The following NKAIN2 variants were observed in gnomAD, a reference collection of about 807,000 sequenced individuals.
NKAIN2 encodes the protein sodium/potassium transporting ATPase interacting 2.
NKAIN2 carries 14 observed loss-of-function variants against 32.6 expected under a neutral mutation model. The ratio of observed to expected loss-of-function variants is 0.43; its 90% CI spans 0.28 to 0.67. The LOEUF (loss-of-function observed/expected upper bound fraction) is 0.67. Among genes scored for constraint, NKAIN2 ranks in the 30% least tolerant of loss-of-function variants. The pLI is 0.17. For missense variants in NKAIN2, 198 were observed against 258.3 expected, an observed-to-expected ratio of 0.77 and a Z score of 1.60; for synonymous variants, 80 against 87.2, an observed-to-expected ratio of 0.92 and a Z score of 0.46.
intron 3 of NKAIN2, among the ~76,000 whole-genome samples, chr6:124,442,753 T>C (rs184827717): frequency 6.6e-6 from 1 of 152,132 alleles, no homozygotes; most frequent in African/African-American, 2.4e-5. Flanking sequence ...AGAAGCTCTA[T>C]GTTGGCATGG....
chr6:124,131,449 C>T (rs188151597), intron 1 of NKAIN2, among the ~76,000 whole-genome samples: 4 of 152,200 alleles, frequency 2.6e-5, no homozygotes, highest in East Asian at 3.9e-4. Flanking sequence ...AACTTTGTTC[C>T]GAGAACCACC....
chr6:124,511,390 T>C (rs1477790310), intron 3 of NKAIN2, among the ~76,000 whole-genome samples: 5 of 152,146 alleles, frequency 3.3e-5, no homozygotes, highest in African/African-American at 9.6e-5. Flanking sequence ...TTTCTTCAAA[T>C]AGGAGAAGAA....
intron 2 of NKAIN2, among the ~76,000 whole-genome samples, chr6:124,330,710 A>G (rs1797615065): frequency 6.6e-6 from 1 of 152,164 alleles, no homozygotes. Context: ...AGAGGTCCCC[A>G]ACCCCGGGGC....
chr6:124,422,086 A>T (rs1774780342), intron 3 of NKAIN2, among the ~76,000 whole-genome samples: 1 of 152,074 alleles, frequency 6.6e-6, no homozygotes, highest in Non-Finnish European at 1.5e-5. Flanking sequence ...CAGAAAAAAT[A>T]AAAGTATAAT....
chr6:124,667,204 T>C (rs1351982721), intron 4 of NKAIN2, among the ~76,000 whole-genome samples: 1 of 152,096 alleles, frequency 6.6e-6, no homozygotes. Flanking sequence ...TATCACATTC[T>C]AAGGAAATGT....
intron 1 of NKAIN2, among the ~76,000 whole-genome samples, chr6:124,261,371 C>T (rs1436436846): frequency 6.6e-6 from 1 of 152,152 alleles, no homozygotes; most frequent in Non-Finnish European, 1.5e-5. Context: ...CAGATGACTA[C>T]CTAGTTTCCA....
intron 1 of NKAIN2, among the ~76,000 whole-genome samples, chr6:124,262,942 A>C (rs948255902): frequency 6.6e-6 from 1 of 152,162 alleles, no homozygotes; most frequent in Non-Finnish European, 1.5e-5. Context: ...TCTCATCTGC[A>C]TAAGGAGAAT....
intron 1 of NKAIN2, among the ~76,000 whole-genome samples, chr6:124,203,897 C>G (rs925855760): frequency 7.9e-5 from 12 of 151,598 alleles, no homozygotes; most frequent in African/African-American, 2.7e-4. Context: ...GTAATAAGAT[C>G]ATTTAATACA....
At chr6:124,601,922 A>G (rs895521374) in intron 3 of NKAIN2, among the ~76,000 whole-genome samples, 3 of 151,974 alleles carry the variant, frequency 2.0e-5, no homozygotes, top group African/African-American at 2.4e-5. Context: ...AGGTCCAACC[A>G]TTTATTTCCA....
In NKAIN2 at chr6:124,635,173, TCAGAGAA is replaced by T. The variant is rs370868922; in HGVS notation, c.274-23012_274-23006del. Reference sequence around the variant, plus strand: ...TCAGAATTGAAGGTTAAAGTTTTACTCAGAGAAGCAAAAACTGAATAATTCATTACCA... The same window carrying T: ...TCAGAATTGAAGGTTAAAGTTTTACTGCAAAAACTGAATAATTCATTACCA... On this transcript the variant is annotated intron_variant, in intron 3 of 6. Coordinates refer to ENST00000368417, the MANE Select transcript of NKAIN2 (RefSeq NM_001040214.3). 6.7e-3 allele frequency among the ~76,000 whole-genome samples: 1,013 copies of T among 152,122 alleles called. 15 individuals carry two copies. The highest frequency in any genetic ancestry group is 0.023 in the African/African-American group (971 of 41,546).
In NKAIN2 at chr6:124,272,179, A is replaced by G. The variant is rs188450493; in HGVS notation, c.55-10826A>G. On this transcript the variant is annotated intron_variant, in intron 1 of 6. Transcript: ENST00000368417. The stretch of plus-strand genomic sequence containing the variant: ...GAGCCAAGTGTTAATCGCTAAGACA[A>G]TGGGGAAAATGTCTCCAGGCCATGT... Among the ~76,000 whole-genome samples, 622 of 152,316 alleles carry G rather than the reference A, an allele frequency of 4.1e-3. 4 individuals carry two copies. Among genetic ancestry groups the G allele is most frequent in the African/African-American group, 0.012 (512 of 41,576 alleles).
chr6:124,595,555 G>T (rs540883712), intron 3 of NKAIN2, among the ~76,000 whole-genome samples: 12 of 152,244 alleles, frequency 7.9e-5, no homozygotes, highest in Admixed American at 5.2e-4. Context: ...AACCTGATTT[G>T]GTGGAAGCCC....
chr6:124,490,365 G>T, intron 3 of NKAIN2: 1 of 439,552 alleles, frequency 2.3e-6, no homozygotes, highest in South Asian at 1.6e-5. Context: ...GTGGCAAAGG[G>T]TTGTGGAATT....
At chr6:124,330,000 ATGTAATCATC>A (rs1260349895) in intron 2 of NKAIN2, among the ~76,000 whole-genome samples, 2 of 152,222 alleles carry the variant, frequency 1.3e-5, no homozygotes, top group Non-Finnish European at 2.9e-5. Flanking sequence ...AAGGGATCCA[ATGTAATCATC>A]TGTTACTGAC....
chr6:124,389,715 TTGTGTGTGTG>T (rs3052704), intron 3 of NKAIN2, among the ~76,000 whole-genome samples: 3,677 of 141,988 alleles, frequency 0.026, 95 homozygotes, highest in Non-Finnish European at 0.035. Context: ...CTGTGTACAT[TTGTGTGTGTG>T]TGTGTGTGTG....
intron 3 of NKAIN2, among the ~76,000 whole-genome samples, chr6:124,475,352 C>G (rs1476853358): frequency 1.3e-5 from 2 of 152,080 alleles, no homozygotes; most frequent in African/African-American, 4.8e-5. Context: ...ACTTATGCTA[C>G]AGCATATTAT....
chr6:124,092,588 C>T (rs1784480736), intron 1 of NKAIN2, among the ~76,000 whole-genome samples: 1 of 151,988 alleles, frequency 6.6e-6, no homozygotes, highest in African/African-American at 2.4e-5. Flanking sequence ...TTTATTCAAA[C>T]TCACATTAAT....
intron 1 of NKAIN2, among the ~76,000 whole-genome samples, chr6:123,826,063 G>C (rs973375619): frequency 2.6e-5 from 4 of 152,044 alleles, no homozygotes; most frequent in South Asian, 2.1e-4. Context: ...CATGGATTTA[G>C]TGGGGTGATC....
At chr6:124,636,589 T>C (rs1420381623) in intron 3 of NKAIN2, among the ~76,000 whole-genome samples, 3 of 151,858 alleles carry the variant, frequency 2.0e-5, no homozygotes, top group Non-Finnish European at 2.9e-5. Flanking sequence ...TTACAACTGA[T>C]ACCACAAAAA....
Sources: allele counts gnomAD v4.1 joint callset (sites outside exome capture counted in the v4.1 genomes callset), GRCh38; gene constraint gnomAD v4.1.1; transcripts MANE v1.5; gene names NCBI Gene and HGNC (gene_info 2026-07-23, HGNC 2026-07-21).